Variants in PLD4 observed in about 807,000 individuals in gnomAD.
PLD4 encodes the protein phospholipase D family member 4.
In PLD4, 54 loss-of-function variants were observed where a neutral mutation model predicts 52.3. The ratio of observed to expected loss-of-function variants is 1.03; its 90% CI spans 0.83 to 1.30. The LOEUF is 1.30. Ranked by LOEUF, PLD4 falls within the 50% of genes most tolerant of loss-of-function variation. The pLI, the probability that PLD4 is intolerant of heterozygous loss-of-function variation, is 0.00. For missense variants in PLD4, 731 were observed against 671.1 expected, an observed-to-expected ratio of 1.09 and a Z score of -0.99; for synonymous variants, 264 against 286.5, an observed-to-expected ratio of 0.92 and a Z score of 0.79.
rs751020439 is a variant in PLD4 at position 104,931,780 on chromosome 14, C to T, written c.951C>T (p.Arg317=). 275 of 1,589,434 alleles carry T rather than the reference C, an allele frequency of 1.7e-4. 3 individuals are homozygous for T. In the East Asian group the frequency reaches 6.2e-3, roughly 36 times the overall value. The stretch of plus-strand genomic sequence containing the variant: ...CACCAGCACTCTGTCCCCAGGGCCG[C>T]ACCCGGGACCTGGAGGCGCTGCTGG... ...ASPPALCPQG[R]TRDLEALLAV... The change falls in exon 8 of 11, where the codon CGC becomes CGT. Residue 317 remains arginine (R), a synonymous_variant. Transcript: ENST00000392593.
In PLD4 at chr14:104,932,968, G is replaced by A. The variant is rs1035665461; in HGVS notation, c.*4G>A. 1 of 1,572,730 alleles carries A rather than the reference G, an allele frequency of 6.4e-7. No individual in the cohort carries two copies. The highest frequency in any genetic ancestry group is 8.6e-7 in the Non-Finnish European group (1 of 1,161,764). ...GGACTGCGTTTGGCAGGGCTGAGGG[G>A]GGCCTCTTTTTCTCTCGGCGACCCC... On this transcript the variant is annotated 3_prime_UTR_variant, in exon 11 of 11. Coordinates refer to ENST00000392593, the MANE Select transcript of PLD4 (RefSeq NM_138790.5). This position sits in a 1 kb window ranked among gnomAD's most constrained non-coding sequence, Gnocchi z 6.5.
chr14:104,927,794 C>T lies in PLD4; in HGVS notation c.212C>T (p.Ser71Phe). The T allele has an allele frequency of 6.3e-7, 1 of 1,598,310 alleles. No individual in the cohort carries two copies. The highest frequency in any genetic ancestry group is 8.5e-7 in the Non-Finnish European group (1 of 1,177,036). Residue 71 changes from serine (S) to phenylalanine (F), a missense_variant, in exon 3 of 11, where the codon TCC becomes TTC. Physicochemically the swap from Ser to Phe is radical, Grantham distance 155 (BLOSUM62 -2). Coordinates refer to ENST00000392593, the MANE Select transcript of PLD4 (RefSeq NM_138790.5). The stretch of plus-strand genomic sequence containing the variant: ...GTGCAGCCCAAGGACGTGCCCAGGT[C>T]CTGGGAGCATGGCTCCAGCCCAGCT... ...GQVQPKDVPR[S>F]WEHGSSPAWE...
rs773552772 is a variant in PLD4, at chr14:104,932,724, T to C, written c.1322-41T>C. The C allele has an allele frequency of 1.9e-5, 28 of 1,480,584 alleles. No individual in the cohort carries two copies. The highest frequency in any genetic ancestry group is 1.1e-4 in the Admixed American group (5 of 44,512). The allele number at this position is 1,480,584 out of a possible 1,614,324, so 91.7% of individuals were successfully genotyped here. On this transcript the variant is annotated intron_variant, in intron 10 of 10. Coordinates refer to ENST00000392593, the MANE Select transcript of PLD4 (RefSeq NM_138790.5). The surrounding 1 kb of genome is among the most constrained non-coding windows in gnomAD (Gnocchi z 6.5). ...GCTGAGCGGGCTGCAGAGGGGCCTG[T>C]GGGAGCCGGCGCCCCAGTGTCTCCT...
In PLD4 at chr14:104,932,231, C is replaced by T. The variant is rs1897678105; in HGVS notation, c.1225-28C>T. On this transcript the variant is annotated intron_variant, in intron 9 of 10. Coordinates refer to ENST00000392593, the MANE Select transcript of PLD4 (RefSeq NM_138790.5). This position sits in a 1 kb window ranked among gnomAD's most constrained non-coding sequence, Gnocchi z 6.5. The stretch of plus-strand genomic sequence containing the variant: ...GAAAGGCGGCCCTCCTGCCGCCCTT[C>T]CTGACGCGCTGCCTCTGCTCCCCTA... The T allele has an allele frequency of 6.2e-7, 1 of 1,612,526 alleles. No individual in the cohort carries two copies. Among genetic ancestry groups the T allele is most frequent in the Non-Finnish European group, 8.5e-7 (1 of 1,179,730 alleles).
chr14:104,927,779 A>G lies in PLD4; in HGVS notation c.197A>G (p.Lys66Arg), dbSNP rs553725014. 4 of 1,599,460 alleles carry G rather than the reference A, an allele frequency of 2.5e-6. No individual in the cohort carries two copies. The African/African-American group carries it at 5.3e-5, about 21-fold the overall frequency. ...RPPTWGQVQP[K>R]DVPRSWEHGS... ...CCCACCTGGGGCCAGGTGCAGCCCAAGGACGTGCCCAGGTCCTGGGAGCAT... is the reference window on the plus strand; with the variant it reads ...CCCACCTGGGGCCAGGTGCAGCCCAGGGACGTGCCCAGGTCCTGGGAGCAT... The change falls in exon 3 of 11, where the codon AAG becomes AGG. Residue 66 changes from lysine (K) to arginine (R), a missense_variant. Coordinates refer to ENST00000392593, the MANE Select transcript of PLD4 (RefSeq NM_138790.5).
At chr14:104,927,443 A>G (rs766582420) in intron 2 of PLD4, among the ~76,000 whole-genome samples, 1 of 152,170 alleles carries the variant, frequency 6.6e-6, no homozygotes, top group Non-Finnish European at 1.5e-5. Context: ...CACGAGCCAC[A>G]GCATTGCAGA....
chr14:104,927,777 C>T lies in PLD4; in HGVS notation c.195C>T (p.Pro65=). 17 of 1,599,292 alleles carry T rather than the reference C, an allele frequency of 1.1e-5. No homozygotes were observed. Among genetic ancestry groups the T allele is most frequent in the Non-Finnish European group, 1.4e-5 (17 of 1,177,386 alleles). ...CTCCCACCTGGGGCCAGGTGCAGCC[C>T]AAGGACGTGCCCAGGTCCTGGGAGC... is the stretch of plus-strand genomic sequence containing the variant. ...PRPPTWGQVQ[P]KDVPRSWEHG... is the part of the protein sequence containing the mutation. The change falls in exon 3 of 11, where the codon CCC becomes CCT. Residue 65 remains proline (P), a synonymous_variant. Transcript: ENST00000392593.
At chr14:104,929,020 G>A (rs534040501) in intron 4 of PLD4, 88 bp downstream of exon 4, 1 of 1,457,452 alleles carries the variant, frequency 6.9e-7, no homozygotes, top group Non-Finnish European at 9.2e-7. Context: ...CGGGCACCAG[G>A]CCCGGGGGCT....
At chr14:104,931,946 C>T (rs1897659830) in intron 8 of PLD4, 59 bp downstream of exon 8, 6 of 1,524,424 alleles carry the variant, frequency 3.9e-6, no homozygotes, top group Non-Finnish European at 5.3e-6. Context: ...CTGGGCACGT[C>T]CCCTCCTGCT....
In PLD4 at chr14:104,933,122, C is replaced by T; in HGVS notation, c.*158C>T. ...GGGCGTCGCAAACCGCCCGCCTGCT[C>T]TCTGATTTCCGAGTCCAGCCCCCCC... On this transcript the variant is annotated 3_prime_UTR_variant, in exon 11 of 11. Transcript: ENST00000392593. The T allele has an allele frequency of 1.2e-6, 1 of 812,858 alleles. No individual in the cohort carries two copies. Among genetic ancestry groups the T allele is most frequent in the Non-Finnish European group, 1.8e-6 (1 of 551,596 alleles). 50.4% of individuals were successfully genotyped at this position (812,858 alleles called of 1,614,324 possible).
rs757957929 is a variant in PLD4 at position 104,928,937 on chromosome 14, G to A, written c.468+5G>A. ...AACGACTCGTCTTCCCAGCTGGTGC[G>A]CCCCGCCCTGGCCCCACCGCATCCT... is the stretch of plus-strand genomic sequence containing the variant. On this transcript the variant is annotated splice_donor_5th_base_variant and intron_variant, in intron 4 of 10. Coordinates refer to ENST00000392593, the MANE Select transcript of PLD4 (RefSeq NM_138790.5). The A allele has an allele frequency of 7.6e-5, 121 of 1,590,500 alleles. No homozygotes were observed. The highest frequency in any genetic ancestry group is 1.7e-4 in the Middle Eastern group (1 of 5,972).
intron 1 of PLD4, among the ~76,000 whole-genome samples, chr14:104,926,520 C>T (rs1433579227): frequency 1.3e-5 from 2 of 152,224 alleles, no homozygotes; most frequent in Non-Finnish European, 2.9e-5. Flanking sequence ...AGGGGTCCCA[C>T]TCTGCCGCCA....
Position 104,929,928 on chromosome 14 carries a change from C to T in PLD4, c.590-50C>T, listed in dbSNP as rs377643254. On this transcript the variant is annotated intron_variant, in intron 5 of 10. Transcript: ENST00000392593. ...GCTTGGGGTCAGGCTCACCATGAAG[C>T]TAGCACTTAGCAAGACCTAGTTCAT... 353 of 1,604,208 alleles carry T rather than the reference C, an allele frequency of 2.2e-4. 1 individual carries two copies. Among genetic ancestry groups the T allele is most frequent in the Non-Finnish European group, 2.9e-4 (345 of 1,174,808 alleles).
intron 3 of PLD4, 117 bp downstream of exon 3, chr14:104,927,983 A>G: frequency 1.6e-6 from 2 of 1,213,486 alleles, no homozygotes; most frequent in Admixed American, 5.6e-5. Context: ...TCCTCCAGGA[A>G]GGTGCAGGTC....
At chr14:104,927,252 G>A (rs1049933725) in intron 2 of PLD4, 22 bp downstream of exon 2, 2 of 1,522,550 alleles carry the variant, frequency 1.3e-6, no homozygotes, top group East Asian at 2.5e-5. Context: ...GGGCCCCAGG[G>A]GGGAGGTGGC....
intron 6 of PLD4, 46 bp from the exon 7 acceptor site, chr14:104,930,696 C>T: frequency 6.2e-7 from 1 of 1,603,448 alleles, no homozygotes; most frequent in East Asian, 2.2e-5. Context: ...GTGGAGGCCC[C>T]ACAGAGGGGT....
In PLD4 at chr14:104,927,242, G is replaced by A. The variant is rs1185644521; in HGVS notation, c.90+12G>A. The A allele has an allele frequency of 6.5e-7, 1 of 1,531,694 alleles. No homozygotes were observed. Among genetic ancestry groups the A allele is most frequent in the Non-Finnish European group, 8.8e-7 (1 of 1,137,814 alleles). 94.9% of individuals were successfully genotyped at this position (1,531,694 alleles called of 1,614,324 possible). On this transcript the variant is annotated intron_variant, in intron 2 of 10. Coordinates refer to ENST00000392593, the MANE Select transcript of PLD4 (RefSeq NM_138790.5). The stretch of plus-strand genomic sequence containing the variant: ...GAGAGGCTGGCACGGTAGGACTGGG[G>A]GGCCCCAGGGGGGAGGTGGCTGGGA...
chr14:104,926,423 G>T (rs1203631954), intron 1 of PLD4, among the ~76,000 whole-genome samples: 1 of 152,174 alleles, frequency 6.6e-6, no homozygotes, highest in East Asian at 1.9e-4. Context: ...GGCCCAGATG[G>T]CCTGGCTCCC....
intron 7 of PLD4, 80 bp downstream of exon 7, chr14:104,931,022 T>A: frequency 6.6e-7 from 1 of 1,505,432 alleles, no homozygotes; most frequent in African/African-American, 1.4e-5. Context: ...CCCTCTGGGC[T>A]GGCCCTGCAG....
Sources: gnomAD v4.1 joint callset for allele counts (sites outside exome capture counted in the v4.1 genomes callset) on GRCh38, gnomAD v4.1.1 for gene constraint, Gnocchi (gnomAD v3.1) non-coding constraint, MANE v1.5 for transcripts, NCBI Gene and HGNC (gene_info 2026-07-23, HGNC 2026-07-21) for gene names.